The following RYR1 variants were observed in gnomAD, a reference collection of about 807,000 sequenced individuals.
The protein encoded by RYR1 is central core disease of muscle.
RYR1 carries 342 observed loss-of-function variants against 583.5 expected under a neutral mutation model. The ratio of observed to expected loss-of-function variants is 0.59; its 90% confidence interval spans 0.54 to 0.64. RYR1 has a LOEUF of 0.64. Among genes scored for constraint, RYR1 ranks in the 30% least tolerant of loss-of-function variants. The probability of loss-of-function intolerance (pLI) is 0.00; values close to 1 mark genes in which losing one functional copy is unlikely to be tolerated. For synonymous variants in RYR1, 2,791 were observed against 2,822.5 expected (o/e 0.99, Z 0.35); for missense variants, 6,032 against 6,917.2 (o/e 0.87, Z 4.54).
chr19:38,547,880 A>G (rs1972501135), intron 88 of RYR1, among the ~76,000 whole-genome samples: 1 of 151,694 alleles, frequency 6.6e-6, no homozygotes, highest in African/African-American at 2.4e-5. Context: ...CGCCCAGCTG[A>G]TTTTGTATTT....
At position 38,517,370 on chromosome 19, in the gene RYR1, C is replaced by T. The variant is rs748843045; in HGVS notation, c.9697C>T (p.Pro3233Ser). 1.4e-5 allele frequency: 22 copies of T among 1,613,526 alleles called. No homozygotes were observed. The highest frequency in any genetic ancestry group is 1.7e-5 in the Non-Finnish European group (20 of 1,179,996). ...TCCCTGTACCCCAGTCCTGGGGCTC[C>T]CCAACAGTGTGGAGGAGATGTGTCC... ...SPRERAILGL[P>S]NSVEEMCPDI... Residue 3233 changes from proline to serine, a missense_variant, in exon 66 of 106, where the codon CCC becomes TCC. Coordinates refer to ENST00000359596, the MANE Select transcript of RYR1 (RefSeq NM_000540.3).
intron 34 of RYR1, among the ~76,000 whole-genome samples, chr19:38,488,641 A>G (rs1157851251): frequency 6.6e-6 from 1 of 152,174 alleles, no homozygotes; most frequent in Non-Finnish European, 1.5e-5. Context: ...AGCTGGGAAT[A>G]CAGGCGTGCA....
intron 102 of RYR1, among the ~76,000 whole-genome samples, 189 bp from the exon 103 acceptor site, chr19:38,585,749 C>T (rs1974455646): frequency 1.3e-5 from 2 of 152,030 alleles, no homozygotes; most frequent in African/African-American, 2.4e-5. Context: ...TCCCAAAGTA[C>T]TGGGATTACA....
At chr19:38,472,401 G>A (rs1968470698) in intron 27 of RYR1, among the ~76,000 whole-genome samples, 2 of 152,012 alleles carry the variant, frequency 1.3e-5, no homozygotes, top group Admixed American at 1.3e-4. Context: ...GCGCCCTGTC[G>A]CTATTTGTGG....
At chr19:38,570,516 G>A in intron 93 of RYR1, 91 bp from the exon 94 acceptor site, 1 of 852,974 alleles carries the variant, frequency 1.2e-6, no homozygotes, top group African/African-American at 1.7e-5. Flanking sequence ...TGAGAGCCCA[G>A]GTACTTTGAT....
chr19:38,508,302 T>G (rs2960330), intron 58 of RYR1, among the ~76,000 whole-genome samples: 6 of 152,090 alleles, frequency 3.9e-5, no homozygotes, highest in African/African-American at 1.4e-4. Context: ...CTCTGCTTTC[T>G]GGTTTCAAGC....
chr19:38,578,094 G>T (rs1226968208), intron 98 of RYR1, 46 bp downstream of exon 98: 2 of 1,613,560 alleles, frequency 1.2e-6, no homozygotes, highest in South Asian at 1.1e-5. Flanking sequence ...TGCAGGGGAG[G>T]TGACTGGAGT....
intron 92 of RYR1, 35 bp downstream of exon 92, chr19:38,567,022 A>G (rs1973474097): frequency 2.6e-6 from 4 of 1,557,936 alleles, no homozygotes; most frequent in Non-Finnish European, 3.5e-6. Context: ...CCTAGCCCCT[A>G]TCACTGCCTC....
chr19:38,495,520 A>AT (rs995218234), intron 39 of RYR1, among the ~76,000 whole-genome samples: 23 of 151,724 alleles, frequency 1.5e-4, no homozygotes, highest in South Asian at 4.2e-4. Flanking sequence ...TAATTTGTAA[A>AT]TTTTTTTGTA....
At chr19:38,541,820 T>C (rs189626073) in intron 84 of RYR1, among the ~76,000 whole-genome samples, 189 of 151,918 alleles carry the variant, frequency 1.2e-3, no homozygotes, top group African/African-American at 4.2e-3. Context: ...ATACGGCTCA[T>C]GTCTGTAATC....
chr19:38,457,261 A>T (rs1340008533), intron 16 of RYR1, among the ~76,000 whole-genome samples: 1 of 151,578 alleles, frequency 6.6e-6, no homozygotes, highest in Non-Finnish European at 1.5e-5. Context: ...TACATTGCTG[A>T]TACCTTATCC....
Position 38,499,864 on chromosome 19 carries a change from C to T in RYR1, c.7214+43C>T. On this transcript the variant is annotated intron_variant, in intron 44 of 105. Transcript: ENST00000359596. This position sits in a 1 kb window ranked among gnomAD's most constrained non-coding sequence, Gnocchi z 7.3. ...CTCCTCAATAGGGCAACCCGCCCTC[C>T]CTGGCCCCTGGCTGCCTCCCCAACC... The T allele has an allele frequency of 6.2e-7, 1 of 1,612,340 alleles. No homozygotes were observed. The highest frequency in any genetic ancestry group is 8.5e-7 in the Non-Finnish European group (1 of 1,179,336).
At chr19:38,586,215 A>C in intron 104 of RYR1, 24 bp downstream of exon 104, 1 of 1,604,798 alleles carries the variant, frequency 6.2e-7, no homozygotes, top group South Asian at 1.1e-5. Flanking sequence ...CTGGCCAGTC[A>C]GGAGGGTGGG....
chr19:38,535,805 G>T (rs957818065), intron 81 of RYR1, 192 bp from the exon 82 acceptor site: 3 of 667,210 alleles, frequency 4.5e-6, no homozygotes, highest in African/African-American at 1.8e-5. Flanking sequence ...TTCAGCTTGC[G>T]CATGGTTCAT....
rs1247877450 is a variant in RYR1, at chr19:38,485,600, A to G, written c.4945A>G (p.Ile1649Val). 6.2e-7 allele frequency: 1 copy of G among 1,609,476 alleles called. No individual in the cohort carries two copies. The highest frequency in any genetic ancestry group is 1.3e-5 in the African/African-American group (1 of 74,894). Reference protein sequence around the residue: ...HIPEENRCMDILELSERLDLQ... With the variant: ...HIPEENRCMDVLELSERLDLQ... ...CCACCTCTGCTGCAGGTGCATGGAC[A>G]TCCTGGAGCTGTCGGAGCGCCTGGA... Residue 1649 changes from isoleucine to valine, a missense_variant, in exon 34 of 106, where the codon ATC becomes GTC. Around this residue, in one of 11 missense-constraint regions of RYR1, gnomAD observed 2,627 missense variants for 2,961.3 expected, o/e 0.89. Coordinates refer to ENST00000359596, the MANE Select transcript of RYR1 (RefSeq NM_000540.3).
In RYR1 at chr19:38,478,856, C is replaced by T. The variant is rs57257936; in HGVS notation, c.4620+256C>T. 0.21 allele frequency among the ~76,000 whole-genome samples: 32,136 copies of T among 152,158 alleles called. 4,806 individuals are homozygous for T. Among genetic ancestry groups the T allele is most frequent in the African/African-American group, 0.41 (17,182 of 41,462 alleles). ...GATCTTGGCTCACTGCAACCTTCGC[C>T]TCCTGGGTTAGAGGGATTCTCCTGC... On this transcript the variant is annotated intron_variant, in intron 31 of 105. Transcript: ENST00000359596.
At chr19:38,506,239 G>A in intron 54 of RYR1, 64 bp from the exon 55 acceptor site, 1 of 1,542,772 alleles carries the variant, frequency 6.5e-7, no homozygotes, top group South Asian at 1.1e-5. Context: ...GGCCTGGGGA[G>A]GGGCTGGCCT....
At chr19:38,468,029 CCATCCATCCATCCATCCAT>C in intron 25 of RYR1, 2 of 333,148 alleles carry the variant, frequency 6.0e-6, no homozygotes, top group Non-Finnish European at 1.1e-5. Flanking sequence ...AACAATTCAT[CCATCCATCCATCCATCCAT>C]CATCCATCCA....
Position 38,565,907 on chromosome 19 carries a change from A to G in RYR1, c.13437+136A>G. 1 of 1,054,374 alleles carries G rather than the reference A, an allele frequency of 9.5e-7. No homozygotes were observed. The highest frequency in any genetic ancestry group is 1.2e-6 in the Non-Finnish European group (1 of 806,780). 65.3% of individuals were successfully genotyped at this position (1,054,374 alleles called of 1,614,324 possible). A position where few individuals can be genotyped will look rare whatever the true frequency, so the allele number is the denominator to read the frequency against. On this transcript the variant is annotated intron_variant, in intron 91 of 105. Coordinates refer to ENST00000359596, the MANE Select transcript of RYR1 (RefSeq NM_000540.3). This position sits in a 1 kb window ranked among gnomAD's most constrained non-coding sequence, Gnocchi z 4.7. ...GGGCACACGCACCCACGGAGGACGCACCCATGGAGGACGCACACGGGGACA... is the reference window on the plus strand; with the variant it reads ...GGGCACACGCACCCACGGAGGACGCGCCCATGGAGGACGCACACGGGGACA...
Sources: gnomAD v4.1 joint callset for allele counts (sites outside exome capture counted in the v4.1 genomes callset) on GRCh38, gnomAD v4.1.1 for gene constraint, gnomAD v4.1.1 regional missense constraint, Gnocchi (gnomAD v3.1) non-coding constraint, MANE v1.5 for transcripts, NCBI Gene and HGNC (gene_info 2026-07-23, HGNC 2026-07-21) for gene names.